The following EPHB1 variants were observed in gnomAD, a reference collection of about 807,000 sequenced individuals.
EPHB1 encodes the protein EPH receptor B1, also known as ephrin type-B receptor 1.
A neutral mutation model predicts 94.4 loss-of-function variants in EPHB1; 30 were observed. That is an observed-to-expected ratio of 0.32 (90% CI 0.24 to 0.43). The LOEUF (loss-of-function observed/expected upper bound fraction) is 0.43. Ranked by LOEUF, EPHB1 falls within the 20% of genes least tolerant of loss-of-function variation. The pLI is 1.00. For synonymous variants in EPHB1, 522 were observed against 489.1 expected (o/e 1.07, Z -0.89); for missense variants, 1,055 against 1,308.3 (o/e 0.81, Z 2.99).
rs375341086 is a variant in EPHB1 at position 135,101,699 on chromosome 3, C to A, written c.806-4749C>A. On this transcript the variant is annotated intron_variant, in intron 3 of 15. Transcript: ENST00000398015. ...GCCTGGCCTGAAGTGACACTTTTAA[C>A]CATTGTTTAAAGCATGAATTCTATG... Among the ~76,000 whole-genome samples the A allele has an allele frequency of 2.6e-5, 4 of 152,244 alleles. No homozygotes were observed. The South Asian group carries it at 6.2e-4, about 24-fold the overall frequency.
intron 10 of EPHB1, among the ~76,000 whole-genome samples, chr3:135,181,986 TA>T (rs961172084): frequency 1.3e-5 from 2 of 152,344 alleles, no homozygotes; most frequent in Admixed American, 6.5e-5. Context: ...TCTGCCCAGT[TA>T]CCATTCTGTA....
intron 4 of EPHB1, among the ~76,000 whole-genome samples, chr3:135,120,743 C>A (rs142385450): frequency 2.2e-4 from 33 of 152,316 alleles, no homozygotes; most frequent in African/African-American, 6.0e-4. Flanking sequence ...GCTGCGTAAG[C>A]CAGTGCCTGG....
At chr3:134,874,276 G>A (rs572447918) in intron 1 of EPHB1, among the ~76,000 whole-genome samples, 5 of 152,202 alleles carry the variant, frequency 3.3e-5, no homozygotes, top group South Asian at 2.1e-4. Context: ...ACAGAAAGCC[G>A]AACACCGCAT....
At chr3:135,253,960 A>G (rs1188311652) in intron 15 of EPHB1, among the ~76,000 whole-genome samples, 1 of 141,940 alleles carries the variant, frequency 7.0e-6, no homozygotes, top group Admixed American at 7.1e-5. Context: ...TAGGTATTTT[A>G]TTCTCTTTGA....
In EPHB1 at chr3:134,880,256, C is replaced by T. The variant is rs143437666; in HGVS notation, c.59-45560C>T. Among the ~76,000 whole-genome samples, 50 of 152,286 alleles carry T rather than the reference C, an allele frequency of 3.3e-4. 1 individual carries two copies. Among genetic ancestry groups the T allele is most frequent in the African/African-American group, 1.1e-3 (47 of 41,564 alleles). ...GTGTGAGGATGTAATGTGACAGACC[C>T]GGGCTGCTTTGCCCTGGGAGATCTG... On this transcript the variant is annotated intron_variant, in intron 1 of 15. Coordinates refer to ENST00000398015, the MANE Select transcript of EPHB1 (RefSeq NM_004441.5).
intron 2 of EPHB1, among the ~76,000 whole-genome samples, chr3:134,947,964 A>G (rs573656758): frequency 6.6e-6 from 1 of 151,992 alleles, no homozygotes; most frequent in South Asian, 2.1e-4. Flanking sequence ...TTAATTTATT[A>G]TTTTTATTTT....
chr3:135,104,114 C>A (rs553283059), intron 3 of EPHB1, among the ~76,000 whole-genome samples: 1 of 152,212 alleles, frequency 6.6e-6, no homozygotes, highest in Non-Finnish European at 1.5e-5. Context: ...ACCCCTCCCC[C>A]ACTCTCCAGA....
intron 13 of EPHB1, among the ~76,000 whole-genome samples, chr3:135,243,032 G>A (rs138622609): frequency 5.4e-4 from 77 of 142,760 alleles, no homozygotes; most frequent in African/African-American, 1.8e-3. Flanking sequence ...CCAAGATCGC[G>A]CCACTGCATT....
intron 1 of EPHB1, among the ~76,000 whole-genome samples, chr3:134,858,276 A>G (rs913020584): frequency 6.6e-6 from 1 of 152,008 alleles, no homozygotes; most frequent in Non-Finnish European, 1.5e-5. Flanking sequence ...CTATTCTATT[A>G]CCATTCTAAA....
At chr3:135,036,181 C>T (rs1016773543) in intron 3 of EPHB1, among the ~76,000 whole-genome samples, 2 of 152,124 alleles carry the variant, frequency 1.3e-5, no homozygotes, top group African/African-American at 4.8e-5. Context: ...CAGAGGAGGC[C>T]GTTGGCATAG....
rs74776697 is a variant in EPHB1 at position 134,951,320 on chromosome 3, C to G, written c.124-51C>G. On this transcript the variant is annotated intron_variant, in intron 2 of 15. Coordinates refer to ENST00000398015, the MANE Select transcript of EPHB1 (RefSeq NM_004441.5). This position sits in a 1 kb window ranked among gnomAD's most constrained non-coding sequence, Gnocchi z 4.5. ...TGCTATGCCTATTTTTGTATTCTCA[C>G]TCTCTATTTTGTGTTTTTGCATGTG... The G allele has an allele frequency of 1.8e-5, 27 of 1,467,350 alleles. No individual in the cohort carries two copies. In the East Asian group the frequency reaches 4.7e-4, roughly 26 times the overall value. The allele number at this position is 1,467,350 out of a possible 1,614,324, so 90.9% of individuals were successfully genotyped here. A position where few individuals can be genotyped will look rare whatever the true frequency, so the allele number is the denominator to read the frequency against.
chr3:134,991,980 C>G lies in EPHB1; in HGVS notation c.805+39928C>G, dbSNP rs570496770. Among the ~76,000 whole-genome samples the G allele has an allele frequency of 3.3e-5, 5 of 152,206 alleles. No homozygotes were observed. In the South Asian group the frequency reaches 8.3e-4, roughly 25 times the overall value. On this transcript the variant is annotated intron_variant, in intron 3 of 15. Transcript: ENST00000398015. ...TTGATGGGTAAATCTAGAAGCAGGCCCATTTCTAGGGCTGCTTATTTCCAT... is the reference window on the plus strand; with the variant it reads ...TTGATGGGTAAATCTAGAAGCAGGCGCATTTCTAGGGCTGCTTATTTCCAT...
intron 2 of EPHB1, among the ~76,000 whole-genome samples, chr3:134,931,389 C>T (rs2038899751): frequency 6.6e-6 from 1 of 152,252 alleles, no homozygotes; most frequent in Admixed American, 6.5e-5. Context: ...GGCCAGGGCT[C>T]ATGGCCATTT....
At chr3:135,251,272 C>T (rs576672025) in intron 15 of EPHB1, among the ~76,000 whole-genome samples, 237 of 152,144 alleles carry the variant, frequency 1.6e-3, no homozygotes, top group Non-Finnish European at 2.9e-3. Flanking sequence ...AGTGGGAAAC[C>T]AGCTTCCTCA....
chr3:134,922,262 G>A (rs773629207), intron 1 of EPHB1, among the ~76,000 whole-genome samples: 16 of 152,206 alleles, frequency 1.1e-4, no homozygotes, highest in Admixed American at 5.9e-4. Context: ...TCCTCTCCAG[G>A]GAGATGTAAA....
At chr3:134,961,929 A>G (rs868367495) in intron 3 of EPHB1, among the ~76,000 whole-genome samples, 2 of 152,240 alleles carry the variant, frequency 1.3e-5, no homozygotes, top group Admixed American at 6.5e-5. Flanking sequence ...TATTCAATGA[A>G]TACTTATTGA....
intron 1 of EPHB1, among the ~76,000 whole-genome samples, chr3:134,840,222 A>C (rs2036751309): frequency 6.6e-6 from 1 of 152,128 alleles, no homozygotes; most frequent in Admixed American, 6.5e-5. Flanking sequence ...CTTTGCCTGT[A>C]GTAGACAATG....
intron 1 of EPHB1, among the ~76,000 whole-genome samples, chr3:134,874,193 G>T (rs1278138436): frequency 6.6e-6 from 1 of 152,148 alleles, no homozygotes; most frequent in Non-Finnish European, 1.5e-5. Context: ...GCCATAAAAA[G>T]GAATGAGATC....
At chr3:135,016,238 A>G (rs1037132503) in intron 3 of EPHB1, among the ~76,000 whole-genome samples, 3 of 152,262 alleles carry the variant, frequency 2.0e-5, no homozygotes, top group Non-Finnish European at 4.4e-5. Flanking sequence ...ACTTCCAGCA[A>G]CAGCCTCTGT....
Sources: gnomAD v4.1 joint callset for allele counts (sites outside exome capture counted in the v4.1 genomes callset) on GRCh38, gnomAD v4.1.1 for gene constraint, Gnocchi (gnomAD v3.1) non-coding constraint, MANE v1.5 for transcripts, NCBI Gene and HGNC (gene_info 2026-07-23, HGNC 2026-07-21) for gene names.